The following TLE3 variants were observed in gnomAD, a reference collection of about 807,000 sequenced individuals.
TLE3 encodes TLE family member 3, transcriptional corepressor, also known as transducin-like enhancer protein 3.
In TLE3, 14 loss-of-function variants were observed where a neutral mutation model predicts 93.0. The observed-to-expected ratio is 0.15, with a 90% CI of 0.10 to 0.24. The LOEUF (loss-of-function observed/expected upper bound fraction) is 0.24. Among genes scored for constraint, TLE3 ranks in the 10% least tolerant of loss-of-function variants. TLE3 has a pLI of 1.00. For missense variants in TLE3, 693 were observed against 1,046.6 expected (o/e 0.66, Z 4.66); for synonymous variants, 451 against 425.0 (o/e 1.06, Z -0.75).
intron 8 of TLE3, among the ~76,000 whole-genome samples, chr15:70,061,652 C>G (rs1722780603): frequency 6.6e-6 from 1 of 152,160 alleles, no homozygotes. Flanking sequence ...AGGACCAATG[C>G]CCCTCTATGA....
chr15:70,090,697 C>A (rs2058268017), intron 4 of TLE3, among the ~76,000 whole-genome samples: 1 of 152,156 alleles, frequency 6.6e-6, no homozygotes, highest in Admixed American at 6.5e-5. Flanking sequence ...GTAAAAAGTT[C>A]ACAGGTTATA....
intron 19 of TLE3, chr15:70,050,991 ACACT>A (rs556822598): frequency 1.8e-5 from 3 of 166,282 alleles, no homozygotes; most frequent in South Asian, 1.5e-4. Context: ...GCAGGTGGAA[ACACT>A]CACTCACTTG....
chr15:70,096,670 C>A, intron 1 of TLE3, 105 bp downstream of exon 1: 1 of 1,559,104 alleles, frequency 6.4e-7, no homozygotes. Flanking sequence ...CACACAAACA[C>A]ACACACCATA....
At chr15:70,071,446 A>AT (rs1404588022) in intron 6 of TLE3, among the ~76,000 whole-genome samples, 3 of 151,822 alleles carry the variant, frequency 2.0e-5, no homozygotes, top group Non-Finnish European at 4.4e-5. Context: ...CTGACCTTGG[A>AT]TCCTGCCCTT....
At chr15:70,074,433 T>C in intron 6 of TLE3, 100 bp downstream of exon 6, 1 of 1,446,606 alleles carries the variant, frequency 6.9e-7, no homozygotes. Context: ...CCGCCATTCT[T>C]TGAGGCCAGC....
At chr15:70,096,651 G>A in intron 1 of TLE3, 124 bp downstream of exon 1, 2 of 1,551,850 alleles carry the variant, frequency 1.3e-6, no homozygotes, top group Non-Finnish European at 1.7e-6. Context: ...CCCTTTGTGT[G>A]AGAGCACACA....
intron 6 of TLE3, among the ~76,000 whole-genome samples, chr15:70,069,554 T>C (rs2057019697): frequency 1.3e-5 from 2 of 152,238 alleles, no homozygotes; most frequent in African/African-American, 4.8e-5. Context: ...TCCTCATCTC[T>C]GAGTGCAAGA....
At chr15:70,064,609 G>C in intron 7 of TLE3, 139 bp from the exon 8 acceptor site, 1 of 1,198,652 alleles carries the variant, frequency 8.3e-7, no homozygotes, top group African/African-American at 1.5e-5. Context: ...TGAGCAGAAG[G>C]CCTGGATTGC....
chr15:70,094,895 C>A (rs139924704), intron 3 of TLE3: 17 of 283,638 alleles, frequency 6.0e-5, no homozygotes, highest in Middle Eastern at 1.1e-3. Flanking sequence ...ACACTGGGAC[C>A]CTCTTGTCCT....
rs995811668 is a variant in TLE3 at position 70,057,636 on chromosome 15, G to C, written c.1074C>G (p.Ile358Met). ...DPIASALRTP[I>M]SITSSYAAPF... is the part of the protein sequence containing the mutation. Reference sequence around the variant, plus strand: ...GCGCCGCATAGGAGCTGGTGATGGAGATGGGCGTGCGCAGAGCCGAGGCTG... The same window carrying C: ...GCGCCGCATAGGAGCTGGTGATGGACATGGGCGTGCGCAGAGCCGAGGCTG... Residue 358 changes from isoleucine to methionine, a missense_variant, in exon 13 of 20, where the codon ATC (isoleucine) becomes ATG (methionine). Ile to Met is a conservative substitution (Grantham distance 10). Coordinates refer to ENST00000451782, the MANE Select transcript of TLE3 (RefSeq NM_001105192.3). 3.2e-6 allele frequency: 5 copies of C among 1,581,774 alleles called. No homozygotes were observed. The highest frequency in any genetic ancestry group is 4.3e-6 in the Non-Finnish European group (5 of 1,168,162).
rs117102101 is a variant in TLE3 at position 70,080,932 on chromosome 15, C to T, written c.235-4774G>A. Among the ~76,000 whole-genome samples, 118 of 152,254 alleles carry T rather than the reference C, an allele frequency of 7.8e-4. No individual in the cohort carries two copies. In the Middle Eastern group the frequency reaches 0.01, roughly 13 times the overall value. ...TAGGTGACTGTGTCCAACACACCGTCGAGAGCTACTTCCACCAGAGAGTCT... is the reference window on the plus strand; with the variant it reads ...TAGGTGACTGTGTCCAACACACCGTTGAGAGCTACTTCCACCAGAGAGTCT... On this transcript the variant is annotated intron_variant, in intron 4 of 19. Coordinates refer to ENST00000451782, the MANE Select transcript of TLE3 (RefSeq NM_001105192.3).
rs1457906493 is a variant in TLE3, at chr15:70,058,074, CGT to C, written c.1051+83_1051+84del. 37 of 1,589,002 alleles carry C rather than the reference CGT, an allele frequency of 2.3e-5. No homozygotes were observed. The highest frequency in any genetic ancestry group is 1.7e-4 in the Middle Eastern group (1 of 5,834). The stretch of plus-strand genomic sequence containing the variant: ...GACACTGCCTGTGCTCTATCCCATG[CGT>C]GTGTGTCACCCCTGCCCTGGCCAAG... On this transcript the variant is annotated intron_variant, in intron 12 of 19. Transcript: ENST00000451782. This position sits in a 1 kb window ranked among gnomAD's most constrained non-coding sequence, Gnocchi z 4.1.
intron 4 of TLE3, among the ~76,000 whole-genome samples, chr15:70,082,522 T>A (rs1263993916): frequency 1.3e-5 from 2 of 152,166 alleles, no homozygotes; most frequent in Non-Finnish European, 2.9e-5. Flanking sequence ...ACATCACAGA[T>A]CACTCAATGA....
At chr15:70,067,192 C>T (rs1029349557) in intron 6 of TLE3, among the ~76,000 whole-genome samples, 1 of 152,198 alleles carries the variant, frequency 6.6e-6, no homozygotes, top group Non-Finnish European at 1.5e-5. Flanking sequence ...CCCCACTCAA[C>T]ACTAGCCTCA....
chr15:70,086,312 A>C (rs1161720600), intron 4 of TLE3, among the ~76,000 whole-genome samples: 3 of 152,178 alleles, frequency 2.0e-5, no homozygotes, highest in African/African-American at 7.2e-5. Context: ...ACCGGTTCCA[A>C]AGCATGCCCC....
At chr15:70,059,210 G>A (rs1763731727) in intron 10 of TLE3, among the ~76,000 whole-genome samples, 200 bp downstream of exon 10, 1 of 152,128 alleles carries the variant, frequency 6.6e-6, no homozygotes, top group Admixed American at 6.5e-5. Flanking sequence ...AGGCCCTCCA[G>A]GCCCATAAAT....
rs1046998233 is a variant in TLE3, at chr15:70,055,187, G to C, written c.1440C>G (p.Leu480=). Residue 480 remains leucine (L), a synonymous_variant, in exon 15 of 20, where the codon CTC becomes CTG. Coordinates refer to ENST00000451782, the MANE Select transcript of TLE3 (RefSeq NM_001105192.3). The part of the protein sequence containing the change: ...IPRHARQINT[L]SHGEVVCAVT... ...CGGCACACACCACCTCCCCGTGGCT[G>C]AGTGTGTTGATCTGCCGGGCGTGCC... is the stretch of plus-strand genomic sequence containing the variant. 2 of 1,614,164 alleles carry C rather than the reference G, an allele frequency of 1.2e-6. No individual in the cohort carries two copies. The highest frequency in any genetic ancestry group is 1.3e-5 in the African/African-American group (1 of 75,060).
intron 2 of TLE3, 47 bp downstream of exon 2, chr15:70,096,114 G>C (rs950166862): frequency 6.1e-5 from 90 of 1,480,510 alleles, no homozygotes; most frequent in Non-Finnish European, 7.2e-5. Context: ...CCGCGCAGGG[G>C]ACCCACCCCT....
intron 4 of TLE3, among the ~76,000 whole-genome samples, chr15:70,092,507 C>T (rs958397828): frequency 6.6e-6 from 1 of 152,218 alleles, no homozygotes; most frequent in African/African-American, 2.4e-5. Flanking sequence ...CCCTCCTGGC[C>T]TCCCTGAAGC....
Sources: gnomAD v4.1 joint callset for allele counts (sites outside exome capture counted in the v4.1 genomes callset) on GRCh38, gnomAD v4.1.1 for gene constraint, Gnocchi (gnomAD v3.1) non-coding constraint, MANE v1.5 for transcripts, NCBI Gene and HGNC (gene_info 2026-07-23, HGNC 2026-07-21) for gene names.